BCL2L13: variants seen among roughly 807,000 people sequenced by gnomAD.
BCL2L13 encodes bcl-2-like protein 13.
Under a neutral mutation model 25.8 loss-of-function variants are expected in BCL2L13, and 13 were observed. The observed-to-expected ratio is 0.50, with a 90% confidence interval of 0.33 to 0.80. The LOEUF (loss-of-function observed/expected upper bound fraction) is 0.80. BCL2L13 is among the 30% of genes least tolerant of loss of function. The pLI is 0.02. For missense variants in BCL2L13, 504 were observed against 574.9 expected (o/e 0.88, Z 1.26); for synonymous variants, 244 against 230.3 (o/e 1.06, Z -0.54).
At chr22:17,708,792 T>A (rs2060659805) in intron 6 of BCL2L13, among the ~76,000 whole-genome samples, 2 of 152,210 alleles carry the variant, frequency 1.3e-5, no homozygotes, top group South Asian at 4.1e-4. Context: ...CACAAATATT[T>A]TGTATTAAAA....
At chr22:17,693,504 T>A (rs1432702930) in intron 4 of BCL2L13, among the ~76,000 whole-genome samples, 1 of 150,686 alleles carries the variant, frequency 6.6e-6, no homozygotes, top group East Asian at 2.0e-4. Flanking sequence ...CTCAGTCTCC[T>A]GAGTAGCTGG....
rs1265013507 is a variant in BCL2L13, at chr22:17,655,896, A to G, written c.121+64A>G. The G allele has an allele frequency of 3.1e-5, 44 of 1,427,820 alleles. 1 individual carries two copies. Among genetic ancestry groups the G allele is most frequent in the Non-Finnish European group, 4.0e-5 (42 of 1,053,008 alleles). 88.4% of individuals were successfully genotyped at this position (1,427,820 alleles called of 1,614,324 possible). A position where few individuals can be genotyped will look rare whatever the true frequency, so the allele number is the denominator to read the frequency against. ...ATAAGGACTTTATATATAAAAGTAT[A>G]TGTATCTAATTTATATGTGTGGTTA... On this transcript the variant is annotated intron_variant, in intron 2 of 6. Coordinates refer to ENST00000317582, the MANE Select transcript of BCL2L13 (RefSeq NM_015367.4).
intron 3 of BCL2L13, among the ~76,000 whole-genome samples, chr22:17,686,734 C>T (rs992343957): frequency 6.6e-6 from 1 of 152,068 alleles, no homozygotes; most frequent in African/African-American, 2.4e-5. Context: ...TGGTCTCGAT[C>T]TCCTGACCTT....
At chr22:17,667,391 G>A (rs1479465306) in intron 2 of BCL2L13, among the ~76,000 whole-genome samples, 1 of 152,082 alleles carries the variant, frequency 6.6e-6, no homozygotes, top group Non-Finnish European at 1.5e-5. Flanking sequence ...GGCTAGTCTC[G>A]AACTCCTGAC....
chr22:17,640,545 G>A (rs1042361869), intron 1 of BCL2L13, among the ~76,000 whole-genome samples: 2 of 152,006 alleles, frequency 1.3e-5, no homozygotes, highest in African/African-American at 4.8e-5. Flanking sequence ...CAAGTGGTTT[G>A]CAACAGTAAT....
At position 17,659,133 on chromosome 22, in the gene BCL2L13, A is replaced by C. The variant is rs2058987970; in HGVS notation, c.121+3301A>C. 1.4e-5 allele frequency among the ~76,000 whole-genome samples: 2 copies of C among 144,294 alleles called. 1 individual carries two copies. Among genetic ancestry groups the C allele is most frequent in the Non-Finnish European group, 3.1e-5 (2 of 63,616 alleles). 94.7% of individuals were successfully genotyped at this position (144,294 alleles called of 152,430 possible). On this transcript the variant is annotated intron_variant, in intron 2 of 6. Transcript: ENST00000317582. ...GTAATCCCAGCACTTTGGAAGGCCA[A>C]GGTGGGTGGATCATGAGGTCAGGAG...
At chr22:17,667,478 G>C (rs2059268747) in intron 2 of BCL2L13, among the ~76,000 whole-genome samples, 1 of 146,208 alleles carries the variant, frequency 6.8e-6, no homozygotes, top group Non-Finnish European at 1.5e-5. Context: ...GCCTACTTGA[G>C]TTTTTTTAAA....
chr22:17,632,219 C>A (rs556235996), intron 1 of BCL2L13, among the ~76,000 whole-genome samples: 1 of 152,040 alleles, frequency 6.6e-6, no homozygotes, highest in Non-Finnish European at 1.5e-5. Flanking sequence ...TTTATTAATA[C>A]ATGCTGCCAT....
chr22:17,657,521 C>CT (rs1019910078), intron 2 of BCL2L13, among the ~76,000 whole-genome samples: 2,361 of 145,212 alleles, frequency 0.016, 49 homozygotes, highest in African/African-American at 0.049. Context: ...TTCTTTTTTT[C>CT]TTTTTTTTTT....
At chr22:17,648,157 A>G (rs1238444003) in intron 1 of BCL2L13, among the ~76,000 whole-genome samples, 3 of 152,088 alleles carry the variant, frequency 2.0e-5, no homozygotes, top group Non-Finnish European at 4.4e-5. Context: ...TCATTGTGCA[A>G]TATACTTATT....
At chr22:17,703,573 A>G (rs192025922) in intron 6 of BCL2L13, 3 of 152,328 alleles carry the variant, frequency 2.0e-5, no homozygotes, top group African/African-American at 7.2e-5. Context: ...TTCATAAAGT[A>G]TACTACTCAT....
At chr22:17,655,890 A>AGTCCTT in intron 2 of BCL2L13, 58 bp downstream of exon 2, 1 of 1,461,000 alleles carries the variant, frequency 6.8e-7, no homozygotes, top group Non-Finnish European at 9.3e-7. Context: ...TTATATATAA[A>AGTCCTT]AGTATATGTA....
At chr22:17,657,819 A>ATTTTTTT (rs2058926783) in intron 2 of BCL2L13, among the ~76,000 whole-genome samples, 1 of 46,236 alleles carries the variant, frequency 2.2e-5, no homozygotes, top group Non-Finnish European at 4.2e-5. Context: ...CCTGGTTGAC[A>ATTTTTTT]TTTCTTTTTT....
At chr22:17,715,304 C>G (rs1406162135) in intron 6 of BCL2L13, among the ~76,000 whole-genome samples, 1 of 146,526 alleles carries the variant, frequency 6.8e-6, no homozygotes, top group East Asian at 2.0e-4. Flanking sequence ...ACCTCAGCCT[C>G]CTGAGTAGCT....
At chr22:17,711,433 G>A (rs2060759004) in intron 6 of BCL2L13, among the ~76,000 whole-genome samples, 1 of 151,202 alleles carries the variant, frequency 6.6e-6, no homozygotes, top group Admixed American at 6.6e-5. Flanking sequence ...GAGTAGCTGG[G>A]ACCACAGGCA....
intron 4 of BCL2L13, among the ~76,000 whole-genome samples, chr22:17,694,298 T>G (rs1206716570): frequency 2.0e-5 from 3 of 151,810 alleles, no homozygotes; most frequent in Non-Finnish European, 4.4e-5. Context: ...ATGATTCGAG[T>G]TTTTGGTATG....
At chr22:17,636,407 T>C (rs535569016), upstream of BCL2L13, among the ~76,000 whole-genome samples, 2 of 151,268 alleles carry the variant, frequency 1.3e-5, no homozygotes, top group East Asian at 1.9e-4. Context: ...GGTGGAACAA[T>C]TGTGAGCCCA....
At chr22:17,641,596 G>A (rs12167823) in intron 1 of BCL2L13, among the ~76,000 whole-genome samples, 51,107 of 151,826 alleles carry the variant, frequency 0.34, 9,364 homozygotes, top group African/African-American at 0.43. Context: ...GTACAATTCA[G>A]TACTTTTTAG....
intron 2 of BCL2L13, among the ~76,000 whole-genome samples, chr22:17,668,828 A>G (rs911893386): frequency 3.3e-5 from 5 of 152,098 alleles, no homozygotes; most frequent in African/African-American, 7.2e-5. Flanking sequence ...GTTCTTCTGC[A>G]TAGTACTGTG....
Sources: allele counts gnomAD v4.1 joint callset (sites outside exome capture counted in the v4.1 genomes callset), GRCh38; gene constraint gnomAD v4.1.1; transcripts MANE v1.5; gene names NCBI Gene and HGNC (gene_info 2026-07-23, HGNC 2026-07-21).